ABL1: variants seen among roughly 807,000 people sequenced by gnomAD.
ABL1 encodes tyrosine-protein kinase ABL1.
ABL1 carries 11 observed loss-of-function variants against 94.7 expected under a neutral mutation model. That is an observed-to-expected ratio of 0.12 (90% confidence interval 0.07 to 0.19). ABL1 has a LOEUF of 0.19. ABL1 is among the 10% of genes least tolerant of loss of function. ABL1 has a pLI of 1.00. For synonymous variants in ABL1, 656 were observed against 622.4 expected (o/e 1.05, Z -0.80); for missense variants, 1,082 against 1,489.4 (o/e 0.73, Z 4.50).
At chr9:130,869,581 G>A (rs1422590778) in intron 4 of ABL1, among the ~76,000 whole-genome samples, 3 of 152,174 alleles carry the variant, frequency 2.0e-5, no homozygotes, top group Non-Finnish European at 2.9e-5. Flanking sequence ...GTGCAAAGAG[G>A]CCAGTTGACC....
chr9:130,880,492 A>G lies in ABL1; in HGVS notation c.1514-8A>G, dbSNP rs1831432605. 1 of 1,613,548 alleles carries G rather than the reference A, an allele frequency of 6.2e-7. No individual in the cohort carries two copies. The highest frequency in any genetic ancestry group is 1.7e-5 in the Admixed American group (1 of 59,932). ...GGATTTTTGTTTCTGTCCCTGTATGATTCTTAGAAGTGGAAAAGGAGCTGG... is the reference window on the plus strand; with the variant it reads ...GGATTTTTGTTTCTGTCCCTGTATGGTTCTTAGAAGTGGAAAAGGAGCTGG... On this transcript the variant is annotated splice_polypyrimidine_tract_variant and splice_region_variant and intron_variant, in intron 9 of 10. Transcript: ENST00000318560. This position sits in a 1 kb window ranked among gnomAD's most constrained non-coding sequence, Gnocchi z 4.4.
In ABL1 at chr9:130,885,807, G is replaced by T. The variant is rs549491877; in HGVS notation, c.*124G>T. The T allele has an allele frequency of 5.4e-6, 7 of 1,295,038 alleles. No individual in the cohort carries two copies. The South Asian group carries it at 9.3e-5, about 17-fold the overall frequency. 80.2% of individuals were successfully genotyped at this position (1,295,038 alleles called of 1,614,324 possible). On this transcript the variant is annotated 3_prime_UTR_variant, in exon 11 of 11. Transcript: ENST00000318560. ...CAGCACCTTGGCCCAGGAGCTCTGC[G>T]CCAGGCAGAGCTGAGGGCCCTGTGG...
intron 1 of ABL1, among the ~76,000 whole-genome samples, chr9:130,807,613 G>A (rs1297582489): frequency 7.0e-6 from 1 of 142,900 alleles, no homozygotes; most frequent in African/African-American, 2.6e-5. Flanking sequence ...TTTATTATAA[G>A]TTTAAATAGT....
At position 130,814,361 on chromosome 9, in the gene ABL1, T is replaced by C. The variant is rs1260254403; in HGVS notation, c.137-39703T>C. Among the ~76,000 whole-genome samples the C allele has an allele frequency of 6.6e-6, 1 of 151,136 alleles. No individual in the cohort carries two copies. The highest frequency in any genetic ancestry group is 1.5e-5 in the Non-Finnish European group (1 of 67,822). ...ATGAAACAGAAAACCAGTACAGAAA[T>C]CATGAAACCAAAAGCTAGTTATTTG... On this transcript the variant is annotated intron_variant, in intron 1 of 10. Transcript: ENST00000372348. The surrounding 1 kb of genome is among the most constrained non-coding windows in gnomAD (Gnocchi z 4.4).
chr9:130,715,309 A>G lies in ABL1; in HGVS notation c.136+854A>G, dbSNP rs1831423641. On this transcript the variant is annotated intron_variant, in intron 1 of 10. Transcript: ENST00000372348. The stretch of plus-strand genomic sequence containing the variant: ...ACTGTTGCAGCCTGACATTTTTTGG[A>G]TTGTGTCCTTTATATTAAAAAATCA... Among the ~76,000 whole-genome samples the G allele has an allele frequency of 2.0e-5, 3 of 152,034 alleles. No homozygotes were observed. In the South Asian group the frequency reaches 6.2e-4, roughly 31 times the overall value.
intron 1 of ABL1, among the ~76,000 whole-genome samples, chr9:130,723,532 A>C (rs1440892349): frequency 6.6e-6 from 1 of 152,124 alleles, no homozygotes; most frequent in Non-Finnish European, 1.5e-5. Flanking sequence ...GTGATAAAGC[A>C]AGACCCTATC....
At chr9:130,830,828 TGA>T (rs1249857777), upstream of ABL1, among the ~76,000 whole-genome samples, 2 of 152,214 alleles carry the variant, frequency 1.3e-5, no homozygotes, top group Non-Finnish European at 2.9e-5. Context: ...ATTGAGGCTC[TGA>T]GAGGTGAAGT....
intron 1 of ABL1, among the ~76,000 whole-genome samples, chr9:130,747,113 G>A (rs1831897657): frequency 6.6e-6 from 1 of 152,120 alleles, no homozygotes; most frequent in Non-Finnish European, 1.5e-5. Flanking sequence ...CATGGCTCAT[G>A]CCTGTAATCC....
rs763315791 is a variant in ABL1 at position 130,884,220 on chromosome 9, G to C, written c.1930G>C (p.Gly644Arg). ...GGAAGAGGGCCGAGACATCAGCAAC[G>C]GGGCACTGGCTTTCACCCCCTTGGA... ...GEEEGRDISN[G>R]ALAFTPLDTA... Residue 644 changes from glycine to arginine, a missense_variant, in exon 11 of 11, where the codon GGG (glycine) becomes CGG (arginine). Transcript: ENST00000318560. The surrounding 1 kb of genome is among the most constrained non-coding windows in gnomAD (Gnocchi z 5.6). The C allele has an allele frequency of 1.2e-5, 20 of 1,608,138 alleles. No homozygotes were observed. The highest frequency in any genetic ancestry group is 1.6e-5 in the Non-Finnish European group (19 of 1,177,866).
intron 1 of ABL1, among the ~76,000 whole-genome samples, chr9:130,739,988 A>G (rs1459110856): frequency 2.0e-5 from 3 of 152,214 alleles, no homozygotes; most frequent in Non-Finnish European, 2.9e-5. Context: ...TAATTGAATC[A>G]AAGTTTTTTG....
chr9:130,728,901 A>C (rs778822513), intron 1 of ABL1, among the ~76,000 whole-genome samples: 4 of 152,130 alleles, frequency 2.6e-5, no homozygotes, highest in Non-Finnish European at 5.9e-5. Flanking sequence ...CATGTTAAAT[A>C]ATTTTGATTG....
chr9:130,868,525 T>C (rs1008559544), intron 4 of ABL1, among the ~76,000 whole-genome samples: 58 of 131,092 alleles, frequency 4.4e-4, no homozygotes, highest in African/African-American at 1.8e-3. Flanking sequence ...TTTTTCTTTT[T>C]TTTTTTTTTT....
chr9:130,864,058 A>G (rs1033188815), intron 4 of ABL1, among the ~76,000 whole-genome samples: 1 of 152,208 alleles, frequency 6.6e-6, no homozygotes, highest in African/African-American at 2.4e-5. Context: ...TGAAATGGGA[A>G]GTATGATTTC....
In ABL1 at chr9:130,797,236, GAAAAAAAAAA is replaced by G. The variant is rs71389356; in HGVS notation, c.137-56808_137-56799del. On this transcript the variant is annotated intron_variant, in intron 1 of 10. Coordinates refer to the ABL1 transcript ENST00000372348. The stretch of plus-strand genomic sequence containing the variant: ...GGGCGACAGAGTGAGACTCCATCTC[GAAAAAAAAAA>G]AAAAAAAAAAAAAAAAAAAGAACTT... Among the ~76,000 whole-genome samples, 14 of 55,214 alleles carry G rather than the reference GAAAAAAAAAA, an allele frequency of 2.5e-4. 1 individual carries two copies. The highest frequency in any genetic ancestry group is 8.3e-4 in the Admixed American group (3 of 3,604). 36.2% of individuals were successfully genotyped at this position (55,214 alleles called of 152,430 possible). A position where few individuals can be genotyped will look rare whatever the true frequency, so the allele number is the denominator to read the frequency against.
chr9:130,880,209 G>A lies in ABL1; in HGVS notation c.1513+52G>A. On this transcript the variant is annotated intron_variant, in intron 9 of 10. Coordinates refer to ENST00000318560, the MANE Select transcript of ABL1 (RefSeq NM_005157.6). The surrounding 1 kb of genome is among the most constrained non-coding windows in gnomAD (Gnocchi z 4.4). ...CAGTGGGGTGAAAGGGCAGCCATGT[G>A]GGACTGCAGCCTGGGTCATTCGGTT... 1 of 1,550,828 alleles carries A rather than the reference G, an allele frequency of 6.4e-7. No homozygotes were observed. Among genetic ancestry groups the A allele is most frequent in the Non-Finnish European group, 8.9e-7 (1 of 1,122,742 alleles).
At chr9:130,800,741 GGTGA>G (rs1830043624) in intron 1 of ABL1, among the ~76,000 whole-genome samples, 1 of 151,050 alleles carries the variant, frequency 6.6e-6, no homozygotes, top group Admixed American at 6.6e-5. Flanking sequence ...TCTTTTTCTT[GGTGA>G]GTAATATTGC....
intron 1 of ABL1, among the ~76,000 whole-genome samples, chr9:130,771,752 C>CTTTCTTTCT (rs530081755): frequency 1.9e-5 from 2 of 106,924 alleles, no homozygotes; most frequent in African/African-American, 6.9e-5. Context: ...TTCTTTCTTT[C>CTTTCTTTCT]TTTTTTTTTT....
rs35751067 is a variant in ABL1 at position 130,731,121 on chromosome 9, C to T, written c.136+16666C>T. The stretch of plus-strand genomic sequence containing the variant: ...TCCCAGGTTCAAGAGATTCTCCTGC[C>T]TCAGTCCCCCGAGTAGCTGGGATTA... On this transcript the variant is annotated intron_variant, in intron 1 of 10. Coordinates refer to the ABL1 transcript ENST00000372348. Among the ~76,000 whole-genome samples, 1,190 of 148,998 alleles carry T rather than the reference C, an allele frequency of 8.0e-3. 14 individuals carry two copies. Among genetic ancestry groups the T allele is most frequent in the African/African-American group, 0.027 (1,104 of 40,272 alleles).
intron 3 of ABL1, among the ~76,000 whole-genome samples, chr9:130,861,381 G>C (rs1479548311): frequency 6.6e-6 from 1 of 152,286 alleles, no homozygotes; most frequent in Non-Finnish European, 1.5e-5. Flanking sequence ...TCCTGTTGAC[G>C]AATCCTTTTT....
Sources: allele counts gnomAD v4.1 joint callset (sites outside exome capture counted in the v4.1 genomes callset), GRCh38; gene constraint gnomAD v4.1.1; non-coding constraint Gnocchi (gnomAD v3.1); transcripts MANE v1.5; gene names NCBI Gene and HGNC (gene_info 2026-07-23, HGNC 2026-07-21).